The following GABBR2 variants were observed in gnomAD, a reference collection of about 807,000 sequenced individuals.
The protein encoded by GABBR2 is G-protein coupled receptor 51.
GABBR2 carries 23 observed loss-of-function variants against 105.6 expected under a neutral mutation model. That is an observed-to-expected ratio of 0.22 (90% CI 0.16 to 0.31). The LOEUF (loss-of-function observed/expected upper bound fraction) is 0.31. GABBR2 is among the 10% of genes least tolerant of loss of function. The pLI is 1.00. For missense variants in GABBR2, 734 were observed against 1,245.5 expected, an observed-to-expected ratio of 0.59 and a Z score of 6.18; for synonymous variants, 478 against 499.7, an observed-to-expected ratio of 0.96 and a Z score of 0.58.
chr9:98,346,438 A>G (rs1268400144), intron 13 of GABBR2, among the ~76,000 whole-genome samples: 2 of 151,736 alleles, frequency 1.3e-5, no homozygotes, highest in East Asian at 3.9e-4. Context: ...TTTTCCTTTT[A>G]TTTTTAGTTG....
chr9:98,551,659 C>T (rs1485944979), intron 2 of GABBR2, among the ~76,000 whole-genome samples: 1 of 152,168 alleles, frequency 6.6e-6, no homozygotes, highest in Non-Finnish European at 1.5e-5. Flanking sequence ...TCTAGCCTGC[C>T]GTGATATGTT....
chr9:98,655,488 A>C (rs562874689), intron 1 of GABBR2, among the ~76,000 whole-genome samples: 12 of 152,350 alleles, frequency 7.9e-5, no homozygotes, highest in African/African-American at 2.2e-4. Flanking sequence ...GAATCAATCC[A>C]TGTGGGACCT....
At chr9:98,668,670 TC>T (rs1830368225) in intron 1 of GABBR2, among the ~76,000 whole-genome samples, 1 of 152,132 alleles carries the variant, frequency 6.6e-6, no homozygotes, top group Non-Finnish European at 1.5e-5. Context: ...AAACACTGAC[TC>T]CCAATTCTCC....
intron 16 of GABBR2, among the ~76,000 whole-genome samples, chr9:98,299,648 C>T (rs7860369): frequency 2.0e-5 from 3 of 152,072 alleles, no homozygotes; most frequent in Admixed American, 6.5e-5. Flanking sequence ...GGAGAGCATA[C>T]GAGCTAAGGC....
At chr9:98,606,881 G>A (rs941973671) in intron 1 of GABBR2, 2 of 569,296 alleles carry the variant, frequency 3.5e-6, no homozygotes, top group Non-Finnish European at 6.4e-6. Context: ...GCAGCACCAT[G>A]GGAGGTCTGA....
chr9:98,464,246 G>T (rs1261991137), intron 6 of GABBR2, among the ~76,000 whole-genome samples: 1 of 150,308 alleles, frequency 6.7e-6, no homozygotes, highest in East Asian at 2.0e-4. Flanking sequence ...CTGCCTGGCC[G>T]CCCCGTCTGG....
intron 13 of GABBR2, among the ~76,000 whole-genome samples, chr9:98,323,842 T>C (rs1451868921): frequency 6.6e-6 from 1 of 152,164 alleles, no homozygotes; most frequent in East Asian, 1.9e-4. Flanking sequence ...CAGCTTGGCG[T>C]GAATGGAGAG....
chr9:98,336,875 T>C (rs985232239), intron 13 of GABBR2, among the ~76,000 whole-genome samples: 1 of 152,120 alleles, frequency 6.6e-6, no homozygotes, highest in African/African-American at 2.4e-5. Flanking sequence ...TTCAAAGATA[T>C]AAGTAGGTTG....
intron 5 of GABBR2, among the ~76,000 whole-genome samples, chr9:98,477,378 T>C (rs962106002): frequency 1.3e-5 from 2 of 152,198 alleles, no homozygotes; most frequent in Admixed American, 6.5e-5. Context: ...TAGCTGAGAA[T>C]ACAGGCAGAT....
chr9:98,557,230 C>G (rs966369519), intron 2 of GABBR2, among the ~76,000 whole-genome samples: 1 of 152,148 alleles, frequency 6.6e-6, no homozygotes, highest in African/African-American at 2.4e-5. Context: ...TTTCCCAAAG[C>G]AGGCTCTCCC....
intron 12 of GABBR2, among the ~76,000 whole-genome samples, chr9:98,369,581 C>A (rs1041694608): frequency 6.6e-6 from 1 of 152,208 alleles, no homozygotes; most frequent in African/African-American, 2.4e-5. Flanking sequence ...GGAGCAGAGC[C>A]TAGAACTCCA....
rs557179066 is a variant in GABBR2 at position 98,307,052 on chromosome 9, G to A, written c.2005-707C>T. Among the ~76,000 whole-genome samples the A allele has an allele frequency of 5.3e-5, 8 of 152,314 alleles. No individual in the cohort carries two copies. In the East Asian group the frequency reaches 7.7e-4, roughly 15 times the overall value. On this transcript the variant is annotated intron_variant, in intron 14 of 18. Transcript: ENST00000259455. ...CCGTCTTAGATCACAAGGCTATGAC[G>A]TGGAACCTGTGTAATGATGATGTGG...
intron 1 of GABBR2, among the ~76,000 whole-genome samples, chr9:98,693,799 G>T (rs1024499619): frequency 1.3e-5 from 2 of 152,204 alleles, no homozygotes; most frequent in Non-Finnish European, 2.9e-5. Context: ...ATTCAATAAG[G>T]ACCTGTCCCT....
chr9:98,315,980 T>C (rs1040282638), intron 13 of GABBR2, among the ~76,000 whole-genome samples: 1 of 152,340 alleles, frequency 6.6e-6, no homozygotes, highest in African/African-American at 2.4e-5. Flanking sequence ...GTTCCCAGTG[T>C]GGACTGTCCA....
rs1295797788 is a variant in GABBR2 at position 98,288,296 on chromosome 9, T to TAAA, written c.*2285_*2287dup. 1 of 152,526 alleles carries TAAA rather than the reference T, an allele frequency of 6.6e-6. No homozygotes were observed. Among genetic ancestry groups the TAAA allele is most frequent in the East Asian group, 1.9e-4 (1 of 5,192 alleles). 9.4% of individuals were successfully genotyped at this position (152,526 alleles called of 1,614,324 possible). A position where few individuals can be genotyped will look rare whatever the true frequency, so the allele number is the denominator to read the frequency against. ...AAATGGACGGTGTGTTTGCTGCATA[T>TAAA]AAAAGAACAGAACCATTAAGTAGCT... On this transcript the variant is annotated 3_prime_UTR_variant, in exon 19 of 19. Transcript: ENST00000259455.
In GABBR2 at chr9:98,484,661, C is replaced by A. The variant is rs949888246; in HGVS notation, c.733-3664G>T. Among the ~76,000 whole-genome samples, 25 of 152,128 alleles carry A rather than the reference C, an allele frequency of 1.6e-4. No individual in the cohort carries two copies. In the Middle Eastern group the frequency reaches 0.01, roughly 62 times the overall value. On this transcript the variant is annotated intron_variant, in intron 4 of 18. Transcript: ENST00000259455. ...ACTAGGGTATGTGCATTCTAGAGCACGAGGAGGTGTCCCGAGTGTAGGAAG... is the reference window on the plus strand; with the variant it reads ...ACTAGGGTATGTGCATTCTAGAGCAAGAGGAGGTGTCCCGAGTGTAGGAAG...
chr9:98,317,263 T>C (rs571481125), intron 13 of GABBR2, among the ~76,000 whole-genome samples: 1 of 152,308 alleles, frequency 6.6e-6, no homozygotes, highest in South Asian at 2.1e-4. Context: ...TGACTTCTGG[T>C]CAGGCTGCTG....
intron 3 of GABBR2, among the ~76,000 whole-genome samples, chr9:98,507,025 C>T (rs574772033): frequency 3.9e-5 from 6 of 152,268 alleles, no homozygotes; most frequent in South Asian, 4.2e-4. Context: ...AACGCACCCT[C>T]GGCCCAATTT....
intron 18 of GABBR2, among the ~76,000 whole-genome samples, chr9:98,292,319 A>C (rs1830314567): frequency 6.6e-6 from 1 of 152,226 alleles, no homozygotes; most frequent in African/African-American, 2.4e-5. Context: ...AGTTCAGGTA[A>C]CTTCCCCATG....
Sources: allele counts gnomAD v4.1 joint callset (sites outside exome capture counted in the v4.1 genomes callset), GRCh38; gene constraint gnomAD v4.1.1; transcripts MANE v1.5; gene names NCBI Gene and HGNC (gene_info 2026-07-23, HGNC 2026-07-21).